The following MALRD1 variants were observed in gnomAD, a reference collection of about 807,000 sequenced individuals.
MALRD1 encodes MAM and LDL-receptor class A domain-containing protein 1.
In MALRD1, 247 loss-of-function variants were observed where a neutral mutation model predicts 242.1. The observed-to-expected ratio is 1.02, with a 90% confidence interval of 0.92 to 1.13. MALRD1 has a LOEUF of 1.13. Ranked by LOEUF, MALRD1 falls within the 50% of genes most tolerant of loss-of-function variation. The pLI, the probability that MALRD1 is intolerant of heterozygous loss-of-function variation, is 0.00. For missense variants in MALRD1, 2,989 were observed against 2,533.1 expected, an observed-to-expected ratio of 1.18 and a Z score of -3.86; for synonymous variants, 995 against 866.6, an observed-to-expected ratio of 1.15 and a Z score of -2.60.
intron 10 of MALRD1, among the ~76,000 whole-genome samples, chr10:19,144,735 G>A (rs1290764721): frequency 2.6e-5 from 4 of 152,174 alleles, no homozygotes; most frequent in Admixed American, 2.6e-4. Context: ...TCAAAGTCTA[G>A]ATGTTCCATT....
At chr10:19,527,211 A>G (rs966280294) in intron 31 of MALRD1, among the ~76,000 whole-genome samples, 1 of 152,134 alleles carries the variant, frequency 6.6e-6, no homozygotes, top group South Asian at 2.1e-4. Flanking sequence ...AACTCTAAAG[A>G]TGTTGTGACT....
chr10:19,050,593 G>A (rs898680219), intron 1 of MALRD1, among the ~76,000 whole-genome samples: 3 of 152,082 alleles, frequency 2.0e-5, no homozygotes, highest in African/African-American at 7.2e-5. Flanking sequence ...TTTTCTCTTA[G>A]TTTGGGATGG....
At chr10:19,347,489 T>G (rs928734206) in intron 24 of MALRD1, among the ~76,000 whole-genome samples, 4 of 152,168 alleles carry the variant, frequency 2.6e-5, no homozygotes, top group African/African-American at 9.6e-5. Flanking sequence ...TAAATTATAT[T>G]GACCAAATAG....
At chr10:19,405,301 C>G (rs1363780200) in intron 28 of MALRD1, among the ~76,000 whole-genome samples, 1 of 152,130 alleles carries the variant, frequency 6.6e-6, no homozygotes, top group East Asian at 1.9e-4. Flanking sequence ...CCTCCTCTCC[C>G]TCTTTGAAGT....
intron 36 of MALRD1, among the ~76,000 whole-genome samples, chr10:19,635,481 C>T (rs10827696): frequency 0.044 from 6,694 of 151,864 alleles, 199 homozygotes; most frequent in Middle Eastern, 0.092. Context: ...AAATCAAATC[C>T]AATTCTAAGT....
intron 28 of MALRD1, among the ~76,000 whole-genome samples, chr10:19,427,576 A>G (rs1022914724): frequency 2.6e-5 from 4 of 152,152 alleles, no homozygotes; most frequent in African/African-American, 9.7e-5. Flanking sequence ...TCAAATTCAA[A>G]CAAATCTGGG....
At position 19,207,981 on chromosome 10, in the gene MALRD1, A is replaced by G. The variant is rs146436985; in HGVS notation, c.2579-1287A>G. ...CCTGTTACAATCGATCTGATAACTG[A>G]GATAGCTACTATTTGTGATGGTACA... On this transcript the variant is annotated intron_variant, in intron 17 of 39. Coordinates refer to ENST00000454679, the MANE Select transcript of MALRD1 (RefSeq NM_001142308.3). 2.8e-3 allele frequency among the ~76,000 whole-genome samples: 431 copies of G among 152,294 alleles called. 1 individual carries two copies. The highest frequency in any genetic ancestry group is 0.01 in the African/African-American group (416 of 41,550).
chr10:19,408,494 C>A (rs558373594), intron 28 of MALRD1, among the ~76,000 whole-genome samples: 6 of 152,124 alleles, frequency 3.9e-5, no homozygotes, highest in Non-Finnish European at 5.9e-5. Flanking sequence ...TCTATCCTTG[C>A]AATGAATAGA....
intron 25 of MALRD1, among the ~76,000 whole-genome samples, chr10:19,350,666 A>C (rs1844334568): frequency 6.6e-6 from 1 of 152,176 alleles, no homozygotes; most frequent in African/African-American, 2.4e-5. Flanking sequence ...GTGTTGGTGC[A>C]TCTGTTTGCA....
At chr10:19,317,288 A>G (rs982712339) in intron 21 of MALRD1, among the ~76,000 whole-genome samples, 1 of 151,888 alleles carries the variant, frequency 6.6e-6, no homozygotes, top group African/African-American at 2.4e-5. Flanking sequence ...CCATGGTGGA[A>G]AAGCTGAGAT....
chr10:19,057,326 G>A (rs1420589470), intron 1 of MALRD1, among the ~76,000 whole-genome samples: 2 of 151,986 alleles, frequency 1.3e-5, no homozygotes, highest in Admixed American at 6.6e-5. Flanking sequence ...TCAGTGTCTG[G>A]TGCCCTCTGC....
At chr10:19,341,454 GTATATATA>G (rs1564577001) in intron 24 of MALRD1, among the ~76,000 whole-genome samples, 2 of 120,944 alleles carry the variant, frequency 1.7e-5, no homozygotes, top group Admixed American at 8.5e-5. Context: ...ATATATATGT[GTATATATA>G]TGTATATATG....
intron 29 of MALRD1, among the ~76,000 whole-genome samples, chr10:19,456,750 C>CTTTT (rs1554775829): frequency 7.1e-6 from 1 of 141,564 alleles, no homozygotes; most frequent in African/African-American, 2.6e-5. Context: ...TTAAAAGTGA[C>CTTTT]ATTTATTTAT....
At chr10:19,706,420 G>GC (rs1564556847) in intron 38 of MALRD1, among the ~76,000 whole-genome samples, 1 of 151,882 alleles carries the variant, frequency 6.6e-6, no homozygotes, top group Non-Finnish European at 1.5e-5. Flanking sequence ...CTCTGCCCCC[G>GC]CCCCCCTTGG....
chr10:19,207,018 C>G (rs1031420221), intron 17 of MALRD1, among the ~76,000 whole-genome samples: 1 of 152,062 alleles, frequency 6.6e-6, no homozygotes, highest in Non-Finnish European at 1.5e-5. Flanking sequence ...ACTTGGTTCC[C>G]TTCATTAGGT....
At chr10:19,402,762 CTT>C (rs1056555207) in intron 28 of MALRD1, among the ~76,000 whole-genome samples, 3 of 152,070 alleles carry the variant, frequency 2.0e-5, no homozygotes, top group Admixed American at 6.6e-5. Context: ...TTATCCATGC[CTT>C]TGTTAAATCC....
At chr10:19,262,697 A>T (rs1377185916) in intron 19 of MALRD1, among the ~76,000 whole-genome samples, 1 of 151,694 alleles carries the variant, frequency 6.6e-6, no homozygotes, top group Non-Finnish European at 1.5e-5. Context: ...ACTCTCAGCA[A>T]TATTCAACTG....
Position 19,311,781 on chromosome 10 carries a change from C to CAAAGA in MALRD1, c.3420-12164_3420-12163insAAAAG, listed in dbSNP as rs936426820. Among the ~76,000 whole-genome samples, 164 of 151,472 alleles carry CAAAGA rather than the reference C, an allele frequency of 1.1e-3. 1 individual carries two copies. The highest frequency in any genetic ancestry group is 3.7e-3 in the African/African-American group (155 of 41,442). ...ACCCTTTCACTATTCATGTTCAAAT[C>CAAAGA]AAAGTTTCCTTTCAACAGTATTTAA... On this transcript the variant is annotated intron_variant, in intron 21 of 39. Coordinates refer to ENST00000454679, the MANE Select transcript of MALRD1 (RefSeq NM_001142308.3).
chr10:19,217,231 A>C (rs1407704297), intron 18 of MALRD1, among the ~76,000 whole-genome samples: 4 of 152,144 alleles, frequency 2.6e-5, no homozygotes, highest in African/African-American at 9.6e-5. Context: ...GAATAAAGTC[A>C]AAATTCCTGT....
Sources: allele counts gnomAD v4.1 joint callset (sites outside exome capture counted in the v4.1 genomes callset), GRCh38; gene constraint gnomAD v4.1.1; transcripts MANE v1.5; gene names NCBI Gene and HGNC (gene_info 2026-07-23, HGNC 2026-07-21).